EPB41L4B: variants seen among roughly 807,000 people sequenced by gnomAD.
The protein encoded by EPB41L4B is erythrocyte membrane protein band 4.1 like 4B.
A neutral mutation model predicts 112.5 loss-of-function variants in EPB41L4B; 30 were observed. The observed-to-expected ratio is 0.27, with a 90% confidence interval of 0.20 to 0.36. The LOEUF is 0.36. EPB41L4B is among the 10% of genes least tolerant of loss of function. The pLI is 1.00. For synonymous variants in EPB41L4B, 408 were observed against 439.7 expected (o/e 0.93, Z 0.90); for missense variants, 1,024 against 1,133.3 (o/e 0.90, Z 1.38).
chr9:109,183,766 G>C (rs1031425746), intron 23 of EPB41L4B, among the ~76,000 whole-genome samples: 1 of 152,202 alleles, frequency 6.6e-6, no homozygotes, highest in Non-Finnish European at 1.5e-5. Context: ...CACTGCCCAG[G>C]GGCAGCAGGC....
chr9:109,199,651 A>T (rs1012118215), intron 20 of EPB41L4B, among the ~76,000 whole-genome samples: 5 of 152,210 alleles, frequency 3.3e-5, no homozygotes, highest in Non-Finnish European at 7.3e-5. Flanking sequence ...TGAGCGACAG[A>T]GCAAGACTTT....
intron 20 of EPB41L4B, 147 bp downstream of exon 20, chr9:109,200,089 G>T (rs1832770221): frequency 1.6e-6 from 1 of 621,640 alleles, no homozygotes; most frequent in Non-Finnish European, 2.8e-6. Flanking sequence ...AGGGAGAAAG[G>T]GCTAGTCTCA....
At chr9:109,314,475 T>C (rs558622207) in intron 1 of EPB41L4B, among the ~76,000 whole-genome samples, 299 of 152,298 alleles carry the variant, frequency 2.0e-3, no homozygotes, top group South Asian at 6.2e-3. Context: ...AGGGTCATGT[T>C]ACCGGCACTG....
rs1184171366 is a variant in EPB41L4B at position 109,320,125 on chromosome 9, TG to T, written c.306+15del. 1.4e-6 allele frequency: 2 copies of T among 1,437,374 alleles called. No individual in the cohort carries two copies. The highest frequency in any genetic ancestry group is 1.8e-6 in the Non-Finnish European group (2 of 1,091,590). 89.0% of individuals were successfully genotyped at this position (1,437,374 alleles called of 1,614,324 possible). On this transcript the variant is annotated intron_variant, in intron 1 of 25. Coordinates refer to ENST00000374566, the MANE Select transcript of EPB41L4B (RefSeq NM_019114.5). ...GGCGCGAGGTGCCAGTGCCCCAGAC[TG>T]GCCCCGTCACTCACCGGCAGGTCCA...
chr9:109,311,178 G>A (rs1183403129), intron 1 of EPB41L4B, among the ~76,000 whole-genome samples: 3 of 151,984 alleles, frequency 2.0e-5, no homozygotes, highest in African/African-American at 4.8e-5. Context: ...ACTTAAACAC[G>A]GTTAAAATAG....
intron 2 of EPB41L4B, among the ~76,000 whole-genome samples, chr9:109,275,940 TA>T (rs1018835666): frequency 3.3e-5 from 5 of 151,750 alleles, no homozygotes; most frequent in Admixed American, 6.6e-5. Context: ...CTTCTGGGGC[TA>T]AAAAAGAAGG....
Position 109,176,678 on chromosome 9 carries a change from T to C in EPB41L4B, c.2506A>G (p.Lys836Glu), listed in dbSNP as rs765814278. The C allele has an allele frequency of 7.4e-6, 12 of 1,613,092 alleles. No homozygotes were observed. The highest frequency in any genetic ancestry group is 2.5e-6 in the Non-Finnish European group (3 of 1,179,804). Residue 836 changes from lysine (K) to glutamate (E), a missense_variant, in exon 25 of 26, where the codon AAA becomes GAA. Transcript: ENST00000374566. ...GTCGGGCCAGGACAGCACTGTAATTTACTGTCTCTGAAGTCTGCCTGGAGA... is the reference window on the plus strand; with the variant it reads ...GTCGGGCCAGGACAGCACTGTAATTCACTGTCTCTGAAGTCTGCCTGGAGA... ...PQFTADFRDS[K>E]LQCCPGPTSP...
intron 23 of EPB41L4B, among the ~76,000 whole-genome samples, chr9:109,183,928 C>T (rs10979734): frequency 0.31 from 46,848 of 152,208 alleles, 7,232 homozygotes; most frequent in East Asian, 0.35. Flanking sequence ...AAGCAAGTCT[C>T]CCCCATGTGG....
chr9:109,189,072 C>T (rs1832367060), intron 22 of EPB41L4B, among the ~76,000 whole-genome samples: 1 of 152,188 alleles, frequency 6.6e-6, no homozygotes, highest in Non-Finnish European at 1.5e-5. Context: ...CTCACATTCA[C>T]ATCCTAAAGA....
At position 109,194,388 on chromosome 9, in the gene EPB41L4B, G is replaced by C. The variant is rs41278379; in HGVS notation, c.2055C>G (p.Asp685Glu). The change falls in exon 21 of 26, where the codon GAC becomes GAG. Residue 685 changes from aspartate to glutamate, a missense_variant. By Grantham distance (45) the Asp-to-Glu change is conservative (BLOSUM62 2). Coordinates refer to ENST00000374566, the MANE Select transcript of EPB41L4B (RefSeq NM_019114.5). ...CCTCGGCCAGGTCTGGAGGGAGGTC[G>C]TCTTCATCACTGCGGTTACTAAAAG... Reference protein sequence around the residue: ...KLTRQYSFDEDDLPPDLAEAV... With the variant: ...KLTRQYSFDEEDLPPDLAEAV... 1 of 1,613,924 alleles carries C rather than the reference G, an allele frequency of 6.2e-7. No homozygotes were observed. The highest frequency in any genetic ancestry group is 1.1e-5 in the South Asian group (1 of 91,040).
chr9:109,188,477 G>A (rs930368341), intron 22 of EPB41L4B, among the ~76,000 whole-genome samples: 2 of 152,102 alleles, frequency 1.3e-5, no homozygotes, highest in Non-Finnish European at 1.5e-5. Flanking sequence ...AAACAGCCAC[G>A]AAAGAACCAA....
At chr9:109,274,630 T>C (rs767606345) in intron 2 of EPB41L4B, among the ~76,000 whole-genome samples, 1 of 152,220 alleles carries the variant, frequency 6.6e-6, no homozygotes, top group Non-Finnish European at 1.5e-5. Flanking sequence ...TGGGATTGAC[T>C]GAACCTTCCC....
chr9:109,218,710 C>T (rs761972466), intron 15 of EPB41L4B, among the ~76,000 whole-genome samples: 2 of 152,124 alleles, frequency 1.3e-5, no homozygotes, highest in African/African-American at 2.4e-5. Context: ...CTTCCCATCC[C>T]GATGCCTCTT....
chr9:109,293,323 C>CGTTAACTT (rs1220411366), intron 1 of EPB41L4B, among the ~76,000 whole-genome samples: 1 of 151,296 alleles, frequency 6.6e-6, no homozygotes, highest in Non-Finnish European at 1.5e-5. Flanking sequence ...CACAGCATGA[C>CGTTAACTT]GTTAACTTAG....
chr9:109,295,070 C>T (rs1369060683), intron 1 of EPB41L4B, among the ~76,000 whole-genome samples: 1 of 152,128 alleles, frequency 6.6e-6, no homozygotes, highest in East Asian at 1.9e-4. Context: ...ACTGTGAAAA[C>T]AAAACACAAT....
intron 17 of EPB41L4B, among the ~76,000 whole-genome samples, chr9:109,209,388 C>T (rs1300363236): frequency 3.3e-5 from 5 of 151,732 alleles, no homozygotes; most frequent in Middle Eastern, 3.4e-3. Context: ...GGGCTGGGCA[C>T]GGTGGCTCAC....
chr9:109,189,099 G>A (rs1419359711), intron 22 of EPB41L4B, among the ~76,000 whole-genome samples: 1 of 152,184 alleles, frequency 6.6e-6, no homozygotes, highest in Non-Finnish European at 1.5e-5. Context: ...CAACTGGAGA[G>A]CAGGTGCTGT....
At chr9:109,226,277 A>C (rs1833756196) in intron 15 of EPB41L4B, among the ~76,000 whole-genome samples, 1 of 151,860 alleles carries the variant, frequency 6.6e-6, no homozygotes, top group Admixed American at 6.6e-5. Context: ...TTTCTCCTTC[A>C]TTTCTTCATG....
chr9:109,251,637 A>T, intron 12 of EPB41L4B, 126 bp from the exon 13 acceptor site: 1 of 841,178 alleles, frequency 1.2e-6, no homozygotes, highest in Non-Finnish European at 2.1e-6. Context: ...ACCCAGGCAG[A>T]ACTGCATGGT....
Sources: allele counts gnomAD v4.1 joint callset (sites outside exome capture counted in the v4.1 genomes callset), GRCh38; gene constraint gnomAD v4.1.1; transcripts MANE v1.5; gene names NCBI Gene and HGNC (gene_info 2026-07-23, HGNC 2026-07-21).